Variants in FYB2 observed in about 807,000 individuals in gnomAD.
The protein encoded by FYB2 is FYN-binding protein 2.
Under a neutral mutation model 94.1 loss-of-function variants are expected in FYB2, and 103 were observed. The ratio of observed to expected loss-of-function variants is 1.09; its 90% CI spans 0.93 to 1.29. The LOEUF (loss-of-function observed/expected upper bound fraction) is 1.29, where lower values mean the gene tolerates loss of function less well. Among genes scored for constraint, FYB2 ranks in the 50% most tolerant of loss-of-function variants. The pLI is 0.00. For missense variants in FYB2, 896 were observed against 841.5 expected, an observed-to-expected ratio of 1.06 and a Z score of -0.80; for synonymous variants, 293 against 287.9, an observed-to-expected ratio of 1.02 and a Z score of -0.18.
Position 56,746,722 on chromosome 1 carries a change from A to C in FYB2, c.1388-2456T>G, listed in dbSNP as rs72907400. Among the ~76,000 whole-genome samples the C allele has an allele frequency of 1.6e-3, 244 of 152,014 alleles. 3 individuals carry two copies. The highest frequency in any genetic ancestry group is 5.8e-3 in the African/African-American group (242 of 41,502). ...TTTTATGGGCATCTGGACAGTTTCC[A>C]ATTTGGGGCTATTACAAAAAGTTTT... On this transcript the variant is annotated intron_variant, in intron 9 of 19. Transcript: ENST00000343433.
At chr1:56,755,413 G>C (rs1645303821) in intron 7 of FYB2, among the ~76,000 whole-genome samples, 1 of 152,116 alleles carries the variant, frequency 6.6e-6, no homozygotes, top group African/African-American at 2.4e-5. Context: ...CATGAGGGGT[G>C]CTTGATGGAT....
chr1:56,800,155 C>G (rs1348362032), intron 1 of FYB2, among the ~76,000 whole-genome samples: 3 of 152,044 alleles, frequency 2.0e-5, no homozygotes, highest in Non-Finnish European at 4.4e-5. Context: ...AAATCCAAGG[C>G]AAAGAGAAGG....
intron 1 of FYB2, among the ~76,000 whole-genome samples, chr1:56,796,763 C>T (rs1375647886): frequency 1.3e-5 from 2 of 152,158 alleles, no homozygotes; most frequent in African/African-American, 4.8e-5. Flanking sequence ...TCTCCCAAAC[C>T]TGTTTTGCCC....
At chr1:56,790,119 C>T (rs776630737) in intron 2 of FYB2, among the ~76,000 whole-genome samples, 3 of 152,162 alleles carry the variant, frequency 2.0e-5, no homozygotes, top group Admixed American at 2.0e-4. Context: ...TGTAATCCAA[C>T]TGCTTTGATT....
intron 6 of FYB2, among the ~76,000 whole-genome samples, chr1:56,757,894 C>T (rs929362024): frequency 1.3e-4 from 20 of 150,960 alleles, no homozygotes; most frequent in Admixed American, 6.0e-4. Context: ...CTCAGCCTCT[C>T]GAGTAGCTGG....
chr1:56,803,065 C>T (rs952494806), intron 1 of FYB2, among the ~76,000 whole-genome samples: 1 of 152,104 alleles, frequency 6.6e-6, no homozygotes, highest in African/African-American at 2.4e-5. Context: ...GTTTCAGCAC[C>T]AATTTAGGTC....
chr1:56,824,849 ACCATGGCC>A, the FYB2 span: 1 of 152,306 alleles, frequency 6.6e-6, no homozygotes, highest in East Asian at 1.9e-4. Flanking sequence ...AGGCCCCACT[ACCATGGCC>A]CCATGTGACA....
chr1:56,730,888 A>G (rs1644693494), intron 15 of FYB2, among the ~76,000 whole-genome samples: 1 of 152,114 alleles, frequency 6.6e-6, no homozygotes, highest in Non-Finnish European at 1.5e-5. Flanking sequence ...TCTTCAACAA[A>G]ATATTAGCAA....
chr1:56,800,798 C>T (rs992640893), intron 1 of FYB2, among the ~76,000 whole-genome samples: 17 of 152,274 alleles, frequency 1.1e-4, no homozygotes, highest in African/African-American at 4.1e-4. Flanking sequence ...ACACTGCCTA[C>T]TGCAGACAGC....
At chr1:56,750,678 A>AT (rs1413923443) in intron 9 of FYB2, among the ~76,000 whole-genome samples, 6 of 151,988 alleles carry the variant, frequency 3.9e-5, no homozygotes, top group Non-Finnish European at 2.9e-5. Context: ...GTATATATAT[A>AT]AAAAAAAGAA....
rs574974888 is a variant in FYB2 at position 56,722,552 on chromosome 1, C to T, written c.1974+1036G>A. Among the ~76,000 whole-genome samples the T allele has an allele frequency of 6.6e-5, 10 of 152,050 alleles. No individual in the cohort carries two copies. In the South Asian group the frequency reaches 1.0e-3, roughly 16 times the overall value. ...CCTCGACTGGGTCTTGATAAATGAA[C>T]GAGCTAGTCAGATACAGAAAAGTGC... is the stretch of plus-strand genomic sequence containing the variant. On this transcript the variant is annotated intron_variant, in intron 17 of 19. Transcript: ENST00000343433.
intron 5 of FYB2, among the ~76,000 whole-genome samples, chr1:56,763,893 G>A (rs763265261): frequency 3.3e-5 from 5 of 150,414 alleles, no homozygotes; most frequent in Non-Finnish European, 7.4e-5. Flanking sequence ...ATGACTCTTC[G>A]CGAGATTGCA....
intron 4 of FYB2, among the ~76,000 whole-genome samples, chr1:56,783,871 T>A (rs919829444): frequency 1.3e-5 from 2 of 152,136 alleles, no homozygotes; most frequent in Non-Finnish European, 2.9e-5. Flanking sequence ...ATCAATGAAT[T>A]TTTGAAGAGA....
chr1:56,775,859 TA>T (rs1030338417), intron 4 of FYB2, among the ~76,000 whole-genome samples: 1 of 152,190 alleles, frequency 6.6e-6, no homozygotes, highest in African/African-American at 2.4e-5. Context: ...GCTAGTGGTA[TA>T]AAAGAGAAGC....
chr1:56,795,082 T>C (rs567867252), intron 1 of FYB2, among the ~76,000 whole-genome samples: 10 of 151,458 alleles, frequency 6.6e-5, no homozygotes, highest in East Asian at 2.0e-4. Flanking sequence ...TAGGTTCACA[T>C]TGTTGTGTAA....
intron 7 of FYB2, among the ~76,000 whole-genome samples, chr1:56,754,940 G>A (rs1645288758): frequency 6.6e-6 from 1 of 152,060 alleles, no homozygotes; most frequent in African/African-American, 2.4e-5. Flanking sequence ...TTTAGGGACA[G>A]GCAGGAACTC....
At chr1:56,809,328 C>T (rs901118248) in intron 1 of FYB2, among the ~76,000 whole-genome samples, 6 of 152,042 alleles carry the variant, frequency 3.9e-5, no homozygotes, top group African/African-American at 1.4e-4. Context: ...ATATTATTAA[C>T]AGCTATTTTC....
intron 4 of FYB2, among the ~76,000 whole-genome samples, chr1:56,780,605 C>T (rs1451699789): frequency 1.3e-5 from 2 of 152,176 alleles, no homozygotes; most frequent in Non-Finnish European, 2.9e-5. Context: ...GCGCACAAAG[C>T]ACTTACTGTA....
chr1:56,819,130 G>T, intron 1 of FYB2, 152 bp downstream of exon 1: 1 of 600,896 alleles, frequency 1.7e-6, no homozygotes, highest in Non-Finnish European at 2.9e-6. Context: ...GCCAGTGTGA[G>T]CAGAAATGCA....
Sources: allele counts gnomAD v4.1 joint callset (sites outside exome capture counted in the v4.1 genomes callset), GRCh38; gene constraint gnomAD v4.1.1; transcripts MANE v1.5; gene names NCBI Gene and HGNC (gene_info 2026-07-23, HGNC 2026-07-21).